ANO10: variants seen among roughly 807,000 people sequenced by gnomAD.
The protein encoded by ANO10 is anoctamin 10, also known as anoctamin-10.
A neutral mutation model predicts 74.7 loss-of-function variants in ANO10; 77 were observed. The observed-to-expected ratio is 1.03, with a 90% confidence interval of 0.86 to 1.25. The LOEUF is 1.25. ANO10 is among the 50% of genes most tolerant of loss of function. The pLI, the probability that ANO10 is intolerant of heterozygous loss-of-function variation, is 0.00. For synonymous variants in ANO10, 279 were observed against 284.9 expected (o/e 0.98, Z 0.21); for missense variants, 721 against 778.1 (o/e 0.93, Z 0.87).
Position 43,553,272 on chromosome 3 carries a change from T to C in ANO10, c.1668+2006A>G, listed in dbSNP as rs533374134. ...GTCTTTAGCTTTCAAGTGTTTACGA[T>C]GTGTGTTGGCAAGGATTTCTTTGGT... On this transcript the variant is annotated intron_variant, in intron 10 of 12. Transcript: ENST00000292246. 4.6e-4 allele frequency among the ~76,000 whole-genome samples: 70 copies of C among 152,358 alleles called. 1 individual carries two copies. In the Middle Eastern group the frequency reaches 0.01, roughly 22 times the overall value.
At chr3:43,581,652 G>A (rs2081265171) in intron 4 of ANO10, among the ~76,000 whole-genome samples, 1 of 152,162 alleles carries the variant, frequency 6.6e-6, no homozygotes, top group Non-Finnish European at 1.5e-5. Flanking sequence ...CAGGCACAGT[G>A]ACTCACACCC....
chr3:43,673,676 T>TA (rs1326339371), intron 1 of ANO10, among the ~76,000 whole-genome samples: 11 of 152,160 alleles, frequency 7.2e-5, no homozygotes, highest in South Asian at 2.1e-4. Flanking sequence ...ATATCTTTTT[T>TA]AAAAAAACAC....
chr3:43,427,642 A>C (rs2092918255), intron 12 of ANO10, among the ~76,000 whole-genome samples: 1 of 152,208 alleles, frequency 6.6e-6, no homozygotes, highest in South Asian at 2.1e-4. Context: ...CTGGTCCCAC[A>C]AACTGACCAG....
At chr3:43,559,640 G>C (rs1425152687) in intron 9 of ANO10, among the ~76,000 whole-genome samples, 2 of 152,058 alleles carry the variant, frequency 1.3e-5, no homozygotes, top group African/African-American at 4.8e-5. Context: ...AAAGATGAGG[G>C]GGGATGGAAT....
chr3:43,543,215 G>A (rs1380074046), intron 11 of ANO10, among the ~76,000 whole-genome samples: 1 of 152,122 alleles, frequency 6.6e-6, no homozygotes, highest in Non-Finnish European at 1.5e-5. Flanking sequence ...TTCAAAATCA[G>A]TGAATCCTGA....
chr3:43,568,833 A>G, intron 7 of ANO10, among the ~76,000 whole-genome samples: 1 of 148,232 alleles, frequency 6.7e-6, no homozygotes, highest in African/African-American at 2.6e-5. Flanking sequence ...AATAACTAAA[A>G]TCAGAGCAGA....
At chr3:43,423,782 G>T (rs1195452182) in intron 12 of ANO10, among the ~76,000 whole-genome samples, 4 of 152,104 alleles carry the variant, frequency 2.6e-5, no homozygotes, top group Admixed American at 1.3e-4. Flanking sequence ...CCCTACCGTG[G>T]AGAGCTGTTC....
intron 11 of ANO10, among the ~76,000 whole-genome samples, chr3:43,546,680 T>C (rs932278492): frequency 6.7e-6 from 1 of 149,778 alleles, no homozygotes; most frequent in Non-Finnish European, 1.5e-5. Flanking sequence ...ATGGGCTCAA[T>C]AGTAGTGTGG....
intron 12 of ANO10, among the ~76,000 whole-genome samples, chr3:43,410,823 C>T (rs1289633731): frequency 1.3e-5 from 2 of 152,000 alleles, no homozygotes; most frequent in Non-Finnish European, 2.9e-5. Context: ...TGAGAAAATA[C>T]ACTTTGAATA....
At chr3:43,617,469 A>T (rs1334779997) in intron 1 of ANO10, among the ~76,000 whole-genome samples, 1 of 152,124 alleles carries the variant, frequency 6.6e-6, no homozygotes, top group Admixed American at 6.5e-5. Context: ...GTTCTTTATC[A>T]TGTGTCGAAT....
At chr3:43,679,456 G>C (rs1388496161) in intron 1 of ANO10, among the ~76,000 whole-genome samples, 1 of 152,194 alleles carries the variant, frequency 6.6e-6, no homozygotes, top group East Asian at 1.9e-4. Context: ...CTCGAACTGG[G>C]TAGAGCCCAC....
intron 2 of ANO10, among the ~76,000 whole-genome samples, chr3:43,604,371 G>T (rs563340489): frequency 1.4e-4 from 21 of 152,142 alleles, no homozygotes; most frequent in Admixed American, 1.2e-3. Context: ...TGTGGGTATT[G>T]TGCAGAGTAA....
chr3:43,421,065 A>T lies in ANO10; in HGVS notation c.1914+11546T>A, dbSNP rs189564457. ...TGGCGAAACCCTGTCTCTACTAAAAATACAAAAATTAGCTGGGCATGGAGG... is the reference window on the plus strand; with the variant it reads ...TGGCGAAACCCTGTCTCTACTAAAATTACAAAAATTAGCTGGGCATGGAGG... On this transcript the variant is annotated intron_variant, in intron 12 of 12. Coordinates refer to ENST00000292246, the MANE Select transcript of ANO10 (RefSeq NM_018075.5). Among the ~76,000 whole-genome samples the T allele has an allele frequency of 4.8e-3, 728 of 152,272 alleles. 5 individuals carry two copies. The highest frequency in any genetic ancestry group is 0.017 in the African/African-American group (700 of 41,556).
intron 11 of ANO10, among the ~76,000 whole-genome samples, chr3:43,440,035 TA>T (rs922943035): frequency 4.8e-4 from 73 of 150,528 alleles, no homozygotes; most frequent in Non-Finnish European, 9.0e-4. Context: ...AAAATACCTG[TA>T]AAAAAACACA....
chr3:43,581,317 T>A (rs1002216178), intron 4 of ANO10, among the ~76,000 whole-genome samples: 2 of 152,242 alleles, frequency 1.3e-5, no homozygotes, highest in Admixed American at 1.3e-4. Context: ...AAATTAAGAC[T>A]TCCTACTTTT....
chr3:43,419,467 A>G (rs1284342433), intron 12 of ANO10, among the ~76,000 whole-genome samples: 1 of 152,168 alleles, frequency 6.6e-6, no homozygotes, highest in East Asian at 1.9e-4. Flanking sequence ...TATGATGCAG[A>G]GAACTTCTGA....
In ANO10 at chr3:43,599,940, G is replaced by C. The variant is rs533125738; in HGVS notation, c.337+444C>G. Among the ~76,000 whole-genome samples the C allele has an allele frequency of 1.3e-4, 20 of 151,042 alleles. No individual in the cohort carries two copies. In the East Asian group the frequency reaches 3.5e-3, roughly 26 times the overall value. On this transcript the variant is annotated intron_variant, in intron 3 of 12. Coordinates refer to ENST00000292246, the MANE Select transcript of ANO10 (RefSeq NM_018075.5). The stretch of plus-strand genomic sequence containing the variant: ...AAAAAGAAAATATAATACTTTTTTT[G>C]GTGTATTTTGTTGACTTAGAATTGA...
At chr3:43,609,058 G>C (rs2082691684) in intron 1 of ANO10, among the ~76,000 whole-genome samples, 1 of 152,114 alleles carries the variant, frequency 6.6e-6, no homozygotes, top group African/African-American at 2.4e-5. Flanking sequence ...ATAAGACACT[G>C]TATTGGTACC....
chr3:43,392,370 C>A (rs2092294027), intron 12 of ANO10, among the ~76,000 whole-genome samples: 1 of 152,124 alleles, frequency 6.6e-6, no homozygotes, highest in Non-Finnish European at 1.5e-5. Flanking sequence ...AACATCTATC[C>A]TCTTGTTTTT....
Sources: allele counts gnomAD v4.1 joint callset (sites outside exome capture counted in the v4.1 genomes callset), GRCh38; gene constraint gnomAD v4.1.1; transcripts MANE v1.5; gene names NCBI Gene and HGNC (gene_info 2026-07-23, HGNC 2026-07-21).